Variants in RHOBTB2 observed in about 807,000 individuals in gnomAD.
RHOBTB2 encodes rho-related BTB domain-containing protein 2.
RHOBTB2 carries 39 observed loss-of-function variants against 66.5 expected under a neutral mutation model. The ratio of observed to expected loss-of-function variants is 0.59; its 90% CI spans 0.45 to 0.77. The LOEUF (loss-of-function observed/expected upper bound fraction) is 0.77, where lower values mean the gene tolerates loss of function less well. RHOBTB2 is among the 30% of genes least tolerant of loss of function. The pLI is 0.00. For synonymous variants in RHOBTB2, 390 were observed against 395.0 expected, an observed-to-expected ratio of 0.99 and a Z score of 0.15; for missense variants, 755 against 999.1, an observed-to-expected ratio of 0.76 and a Z score of 3.29.
upstream of RHOBTB2, among the ~76,000 whole-genome samples, chr8:22,995,098 T>A (rs78204141): frequency 0.13 from 19,455 of 151,880 alleles, 1,987 homozygotes; most frequent in African/African-American, 0.27. Context: ...ATTATCTTTT[T>A]TAAAAATTTT....
chr8:23,001,413 C>T lies in RHOBTB2; in HGVS notation c.-11+1308C>T, dbSNP rs138505109. On this transcript the variant is annotated intron_variant, in intron 1 of 9. Transcript: ENST00000251822. ...CCATACATCAGCAATGATACAACATCAGCAACATCCTAGGGCAAAAATTAT... is the reference window on the plus strand; with the variant it reads ...CCATACATCAGCAATGATACAACATTAGCAACATCCTAGGGCAAAAATTAT... 9.9e-4 allele frequency among the ~76,000 whole-genome samples: 148 copies of T among 148,884 alleles called. 1 individual carries two copies. Among genetic ancestry groups the T allele is most frequent in the African/African-American group, 3.8e-3 (147 of 38,398 alleles).
At chr8:22,963,560 G>C in the RHOBTB2 span, among the ~76,000 whole-genome samples, 1 of 151,850 alleles carries the variant, frequency 6.6e-6, no homozygotes, top group Middle Eastern at 3.2e-3. Flanking sequence ...ATTACCAACT[G>C]TTTTAGTCCA....
At chr8:22,980,029 A>G in the RHOBTB2 span, among the ~76,000 whole-genome samples, 1 of 152,032 alleles carries the variant, frequency 6.6e-6, no homozygotes, top group Non-Finnish European at 1.5e-5. Context: ...AAGTGCTGGG[A>G]TTACAGGTGT....
chr8:22,964,319 G>A, the RHOBTB2 span, among the ~76,000 whole-genome samples: 2 of 152,138 alleles, frequency 1.3e-5, no homozygotes, highest in African/African-American at 2.4e-5. Context: ...GAAAATAAAA[G>A]CATTCCAACA....
intron 6 of RHOBTB2, 97 bp downstream of exon 6, chr8:23,008,208 G>A (rs553077052): frequency 8.4e-6 from 7 of 835,130 alleles, no homozygotes; most frequent in South Asian, 4.9e-5. Flanking sequence ...TTCACTGACT[G>A]TGTGCTAACC....
At chr8:22,961,281 C>A in the RHOBTB2 span, among the ~76,000 whole-genome samples, 1 of 152,144 alleles carries the variant, frequency 6.6e-6, no homozygotes, top group South Asian at 2.1e-4. Context: ...CAGTCTCAAC[C>A]ATTCACAGCC....
At chr8:23,007,783 T>C (rs369972623) in intron 5 of RHOBTB2, 37 bp downstream of exon 5, 3 of 1,600,190 alleles carry the variant, frequency 1.9e-6, no homozygotes, top group East Asian at 2.2e-5. Context: ...GGGTTCTGCA[T>C]TGGTGCTATT....
chr8:22,995,234 G>A (rs986826261), upstream of RHOBTB2, among the ~76,000 whole-genome samples: 1 of 152,160 alleles, frequency 6.6e-6, no homozygotes, highest in African/African-American at 2.4e-5. Flanking sequence ...CACCCGGCCT[G>A]AACAAGCATT....
In RHOBTB2 at chr8:22,999,633, C is replaced by A; in HGVS notation, c.-483C>A. On this transcript the variant is annotated 5_prime_UTR_variant, in exon 1 of 10. Transcript: ENST00000251822. Reference sequence around the variant, plus strand: ...CGTTTTTTTCTTTTCTTTTTTTTTTCCCTATCCTTTTTTTGTGAATGAAAA... The same window carrying A: ...CGTTTTTTTCTTTTCTTTTTTTTTTACCTATCCTTTTTTTGTGAATGAAAA... The A allele has an allele frequency of 1.6e-6, 2 of 1,214,394 alleles. No individual in the cohort carries two copies. The highest frequency in any genetic ancestry group is 2.1e-6 in the Non-Finnish European group (2 of 953,810). 75.2% of individuals were successfully genotyped at this position (1,214,394 alleles called of 1,614,324 possible).
chr8:22,981,553 C>A, the RHOBTB2 span, among the ~76,000 whole-genome samples: 1 of 152,274 alleles, frequency 6.6e-6, no homozygotes, highest in East Asian at 1.9e-4. Context: ...GAATAAGACA[C>A]CAGGTCCTTG....
chr8:22,995,055 C>T (rs1164648810), upstream of RHOBTB2, among the ~76,000 whole-genome samples: 5 of 152,224 alleles, frequency 3.3e-5, no homozygotes, highest in Non-Finnish European at 5.9e-5. Context: ...CATGAGCCAC[C>T]GCGCCAGGTT....
chr8:22,994,680 T>C (rs1269880826), upstream of RHOBTB2: 17 of 1,489,306 alleles, frequency 1.1e-5, no homozygotes, highest in Admixed American at 1.4e-4. Context: ...TTCCCAAACA[T>C]TGATTCATCC....
chr8:23,004,655 G>A lies in RHOBTB2; in HGVS notation c.192+29G>A, dbSNP rs1054006410. 6.3e-7 allele frequency: 1 copy of A among 1,591,056 alleles called. No individual in the cohort carries two copies. The highest frequency in any genetic ancestry group is 8.6e-7 in the Non-Finnish European group (1 of 1,168,384). ...AGGCTGCAGGACTACCTGGCTGGGGGTCCACGCCATGAGTCTGGGCTTGGG... is the reference window on the plus strand; with the variant it reads ...AGGCTGCAGGACTACCTGGCTGGGGATCCACGCCATGAGTCTGGGCTTGGG... On this transcript the variant is annotated intron_variant, in intron 2 of 9. Coordinates refer to ENST00000251822, the MANE Select transcript of RHOBTB2 (RefSeq NM_015178.3). The surrounding 1 kb of genome is among the most constrained non-coding windows in gnomAD (Gnocchi z 6.4).
upstream of RHOBTB2, chr8:22,995,908 G>A: frequency 1.3e-6 from 2 of 1,550,162 alleles, no homozygotes; most frequent in South Asian, 1.2e-5. Flanking sequence ...AGTGTTGAAG[G>A]GTAAAGCTGC....
At chr8:23,005,194 C>T (rs1810910472) in intron 2 of RHOBTB2, among the ~76,000 whole-genome samples, 178 bp from the exon 3 acceptor site, 2 of 152,140 alleles carry the variant, frequency 1.3e-5, no homozygotes, top group African/African-American at 4.8e-5. Flanking sequence ...ATAGATTCTA[C>T]AGAGATTTTA....
chr8:22,958,387 A>G, the RHOBTB2 span, among the ~76,000 whole-genome samples: 13 of 152,174 alleles, frequency 8.5e-5, no homozygotes, highest in African/African-American at 2.9e-4. Flanking sequence ...ATGCTGGCAA[A>G]CTGGGGCATA....
chr8:22,965,316 TAGATTGGAAGCCTTAATGTTGCTA>T, the RHOBTB2 span, among the ~76,000 whole-genome samples: 18 of 152,322 alleles, frequency 1.2e-4, no homozygotes, highest in Non-Finnish European at 2.4e-4. Context: ...CTTTTGTTCA[TAGATTGGAAGCCTTAATGTTGCTA>T]AGATGTCAAT....
At chr8:22,995,535 G>A (rs1199564156), upstream of RHOBTB2, among the ~76,000 whole-genome samples, 1 of 152,246 alleles carries the variant, frequency 6.6e-6, no homozygotes, top group Non-Finnish European at 1.5e-5. Context: ...CTGGTGAAAG[G>A]AGTAGAAATA....
the RHOBTB2 span, among the ~76,000 whole-genome samples, chr8:22,962,179 C>CAAAAAAAAAAAAAAA: frequency 1.6e-3 from 22 of 13,834 alleles, no homozygotes; most frequent in East Asian, 4.0e-3. Flanking sequence ...AACGAATTTA[C>CAAAAAAAAAAAAAAA]AAAAAAAAAA....
Sources: allele counts gnomAD v4.1 joint callset (sites outside exome capture counted in the v4.1 genomes callset), GRCh38; gene constraint gnomAD v4.1.1; non-coding constraint Gnocchi (gnomAD v3.1); transcripts MANE v1.5; gene names NCBI Gene and HGNC (gene_info 2026-07-23, HGNC 2026-07-21).